The following SCN8A variants were observed in gnomAD, a reference collection of about 807,000 sequenced individuals.
SCN8A encodes sodium channel protein type 8 subunit alpha.
SCN8A carries 30 observed loss-of-function variants against 184.1 expected under a neutral mutation model. That is an observed-to-expected ratio of 0.16 (90% confidence interval 0.12 to 0.22). SCN8A has a LOEUF of 0.22. Among genes scored for constraint, SCN8A ranks in the 10% least tolerant of loss-of-function variants. The pLI is 1.00. For synonymous variants in SCN8A, 852 were observed against 907.0 expected (o/e 0.94, Z 1.09); for missense variants, 1,057 against 2,498.9 (o/e 0.42, Z 12.30).
At chr12:51,729,101 C>T (rs370340173) in intron 12 of SCN8A, among the ~76,000 whole-genome samples, 3 of 152,304 alleles carry the variant, frequency 2.0e-5, no homozygotes, top group African/African-American at 7.2e-5. Flanking sequence ...TTCCACAATA[C>T]AGATAATATT....
intron 2 of SCN8A, among the ~76,000 whole-genome samples, chr12:51,668,853 A>G (rs947540516): frequency 2.0e-5 from 3 of 152,192 alleles, no homozygotes; most frequent in Non-Finnish European, 4.4e-5. Flanking sequence ...AGGATAGTAT[A>G]CAATCATGTG....
chr12:51,613,390 G>T (rs907224216), intron 1 of SCN8A, among the ~76,000 whole-genome samples: 1 of 152,034 alleles, frequency 6.6e-6, no homozygotes, highest in Non-Finnish European at 1.5e-5. Context: ...AAATTTATGT[G>T]TATAGATTTG....
At chr12:51,653,434 C>T (rs181029850) in intron 1 of SCN8A, among the ~76,000 whole-genome samples, 1 of 152,208 alleles carries the variant, frequency 6.6e-6, no homozygotes, top group Admixed American at 6.5e-5. Context: ...CAATATTTGT[C>T]CTTTTGTATC....
At chr12:51,694,876 A>G (rs1230900314) in intron 6 of SCN8A, among the ~76,000 whole-genome samples, 2 of 152,196 alleles carry the variant, frequency 1.3e-5, no homozygotes, top group African/African-American at 4.8e-5. Context: ...AAGACTGTAG[A>G]GCTTGAGCTT....
rs182712379 is a variant in SCN8A, at chr12:51,730,499, G to A, written c.1998+8591G>A. Among the ~76,000 whole-genome samples the A allele has an allele frequency of 4.6e-4, 70 of 152,200 alleles. 1 individual carries two copies. In the South Asian group the frequency reaches 5.6e-3, roughly 12 times the overall value. ...ATAATATTTTTAAGATTATTAAATA[G>A]CATCTCTAGAGATTATTTTCCTATT... On this transcript the variant is annotated intron_variant, in intron 12 of 26. Transcript: ENST00000627620.
At chr12:51,631,936 C>T (rs1311869404) in intron 1 of SCN8A, among the ~76,000 whole-genome samples, 1 of 152,140 alleles carries the variant, frequency 6.6e-6, no homozygotes, top group Non-Finnish European at 1.5e-5. Context: ...TATTCTTGGC[C>T]CAGCTATGCA....
At chr12:51,657,997 A>G (rs570187201) in intron 1 of SCN8A, among the ~76,000 whole-genome samples, 6 of 152,048 alleles carry the variant, frequency 3.9e-5, no homozygotes, top group East Asian at 1.9e-4. Context: ...TGCTAATACC[A>G]TGTTGTTCTG....
intron 2 of SCN8A, among the ~76,000 whole-genome samples, chr12:51,674,090 G>C (rs886908470): frequency 1.3e-5 from 2 of 152,208 alleles, no homozygotes; most frequent in South Asian, 2.1e-4. Context: ...GAAGCATAGA[G>C]TGTGGTTTGG....
At chr12:51,780,475 GTGT>G (rs1371543092) in intron 20 of SCN8A, among the ~76,000 whole-genome samples, 171 bp from the exon 21 acceptor site, 1 of 148,356 alleles carries the variant, frequency 6.7e-6, no homozygotes, top group Non-Finnish European at 1.5e-5. Context: ...TAGGCAGCTG[GTGT>G]TACCCACTTC....
chr12:51,756,961 T>A (rs991099475), intron 14 of SCN8A, among the ~76,000 whole-genome samples: 1 of 152,276 alleles, frequency 6.6e-6, no homozygotes, highest in Admixed American at 6.5e-5. Context: ...TTATCATTTC[T>A]TAATTATAGG....
intron 1 of SCN8A, among the ~76,000 whole-genome samples, chr12:51,644,325 G>A (rs1222997548): frequency 6.6e-6 from 1 of 152,188 alleles, no homozygotes; most frequent in Admixed American, 6.5e-5. Context: ...GGGACGTAGA[G>A]CAAAGTTACT....
intron 12 of SCN8A, among the ~76,000 whole-genome samples, chr12:51,738,082 A>T (rs1942356714): frequency 6.6e-6 from 1 of 152,182 alleles, no homozygotes; most frequent in Non-Finnish European, 1.5e-5. Context: ...CCGCCATCAA[A>T]AATGATTTCC....
chr12:51,692,109 C>T lies in SCN8A; in HGVS notation c.706+3013C>T, dbSNP rs531644676. Among the ~76,000 whole-genome samples, 43 of 152,288 alleles carry T rather than the reference C, an allele frequency of 2.8e-4. 1 individual carries two copies. The South Asian group carries it at 5.4e-3, about 19-fold the overall frequency. On this transcript the variant is annotated intron_variant, in intron 6 of 26. Transcript: ENST00000627620. Reference sequence around the variant, plus strand: ...GGATCACTTCAGTGGAATTGTTGTTCTCTTTGTCTTCTCCTCTTCCCAGTT... The same window carrying T: ...GGATCACTTCAGTGGAATTGTTGTTTTCTTTGTCTTCTCCTCTTCCCAGTT...
chr12:51,669,464 A>G (rs1187058958), intron 2 of SCN8A, among the ~76,000 whole-genome samples: 1 of 152,154 alleles, frequency 6.6e-6, no homozygotes, highest in South Asian at 2.1e-4. Flanking sequence ...CTTAGTGTGG[A>G]AGATCCCTCC....
intron 11 of SCN8A, chr12:51,713,441 C>T: frequency 1.3e-6 from 1 of 785,792 alleles, no homozygotes; most frequent in Non-Finnish European, 2.3e-6. Context: ...CCCCATTTCT[C>T]AAAATGTCCT....
intron 6 of SCN8A, among the ~76,000 whole-genome samples, chr12:51,695,020 T>TTTAAATTG (rs1941570439): frequency 6.6e-6 from 1 of 152,222 alleles, no homozygotes; most frequent in Admixed American, 6.5e-5. Context: ...CTGTTTATTA[T>TTTAAATTG]TTAATATTGC....
At chr12:51,755,718 A>G (rs1271667254) in intron 14 of SCN8A, among the ~76,000 whole-genome samples, 1 of 152,134 alleles carries the variant, frequency 6.6e-6, no homozygotes, top group Non-Finnish European at 1.5e-5. Context: ...ATGATGAGCT[A>G]TTTATATTGA....
chr12:51,693,366 A>C (rs931938826), intron 6 of SCN8A, among the ~76,000 whole-genome samples: 13 of 152,224 alleles, frequency 8.5e-5, no homozygotes, highest in Non-Finnish European at 4.4e-5. Flanking sequence ...CCCATCTTTG[A>C]GAGCTAGTTT....
At chr12:51,701,047 A>C in intron 7 of SCN8A, 97 bp from the exon 8 acceptor site, 1 of 757,752 alleles carries the variant, frequency 1.3e-6, no homozygotes, top group Non-Finnish European at 2.3e-6. Flanking sequence ...GCTAAAGTCA[A>C]TAACTTTCTG....
Sources: gnomAD v4.1 joint callset for allele counts (sites outside exome capture counted in the v4.1 genomes callset) on GRCh38, gnomAD v4.1.1 for gene constraint, MANE v1.5 for transcripts, NCBI Gene and HGNC (gene_info 2026-07-23, HGNC 2026-07-21) for gene names.